Variants in SLIT2 observed in about 807,000 individuals in gnomAD.
SLIT2 encodes slit guidance ligand 2, also known as slit homolog 2 protein.
In SLIT2, 41 loss-of-function variants were observed where a neutral mutation model predicts 185.7. The ratio of observed to expected loss-of-function variants is 0.22; its 90% CI spans 0.17 to 0.29. The LOEUF is 0.29. Ranked by LOEUF, SLIT2 falls within the 10% of genes least tolerant of loss-of-function variation. SLIT2 has a pLI of 1.00. For missense variants in SLIT2, 1,571 were observed against 1,909.0 expected (o/e 0.82, Z 3.30); for synonymous variants, 693 against 680.2 (o/e 1.02, Z -0.29).
chr4:20,335,498 A>G (rs984351765), intron 4 of SLIT2, among the ~76,000 whole-genome samples: 3 of 152,216 alleles, frequency 2.0e-5, no homozygotes, highest in African/African-American at 7.2e-5. Flanking sequence ...TATATTATGT[A>G]ACAGGGCGGG....
intron 4 of SLIT2, among the ~76,000 whole-genome samples, chr4:20,271,722 T>C (rs1175000924): frequency 6.6e-6 from 1 of 151,992 alleles, no homozygotes; most frequent in Non-Finnish European, 1.5e-5. Flanking sequence ...ACTGGTTTAA[T>C]ACATAGTTTA....
intron 4 of SLIT2, among the ~76,000 whole-genome samples, chr4:20,449,855 A>C (rs191290761): frequency 6.6e-6 from 1 of 152,374 alleles, no homozygotes; most frequent in East Asian, 1.9e-4. Context: ...GAGTACTTAC[A>C]TTAAAAAGTA....
At chr4:20,379,062 A>G (rs535825771) in intron 4 of SLIT2, among the ~76,000 whole-genome samples, 2 of 152,284 alleles carry the variant, frequency 1.3e-5, no homozygotes, top group East Asian at 1.9e-4. Flanking sequence ...ACTATTCTGT[A>G]TGATACTAAA....
intron 31 of SLIT2, 49 bp downstream of exon 31, chr4:20,595,883 A>C: frequency 1.3e-6 from 2 of 1,491,232 alleles, no homozygotes; most frequent in African/African-American, 1.4e-5. Flanking sequence ...ACCTAGCACA[A>C]CAGGGTGACT....
chr4:20,366,409 A>G (rs114442716), intron 4 of SLIT2, among the ~76,000 whole-genome samples: 2,260 of 152,256 alleles, frequency 0.015, 54 homozygotes, highest in African/African-American at 0.05. Flanking sequence ...TTGGTTGGCC[A>G]CATTTCTGTT....
rs183774220 is a variant in SLIT2, at chr4:20,566,211, T to C, written c.2726-1051T>C. On this transcript the variant is annotated intron_variant, in intron 26 of 36. Transcript: ENST00000504154. ...GCTAGAAATTGCTTGTGATAAAATG[T>C]TCAATTAGAATTATTGCTGCTTGTT... Among the ~76,000 whole-genome samples the C allele has an allele frequency of 2.7e-3, 408 of 152,156 alleles. 4 individuals are homozygous for C. Among genetic ancestry groups the C allele is most frequent in the African/African-American group, 9.4e-3 (391 of 41,546 alleles).
chr4:20,557,248 T>G (rs2148900056), intron 26 of SLIT2, among the ~76,000 whole-genome samples: 1 of 152,200 alleles, frequency 6.6e-6, no homozygotes, highest in Non-Finnish European at 1.5e-5. Context: ...TGAAACAGAC[T>G]TTATTGGAAG....
Position 20,553,947 on chromosome 4 carries a change from T to A in SLIT2, c.2704T>A (p.Ser902Thr). Residue 902 changes from serine (S) to threonine (T), a missense_variant, in exon 26 of 37, where the codon TCC becomes ACC. Ser to Thr is a moderately conservative substitution (Grantham distance 58, BLOSUM62 1). Around this residue, in one of 3 missense-constraint regions of SLIT2, gnomAD observed 1,202 missense variants for 1,416.4 expected, o/e 0.85. Transcript: ENST00000504154. Reference protein sequence around the residue: ...MADKLLLTTPSKKFTCQGPVD... With the variant: ...MADKLLLTTPTKKFTCQGPVD... ...AGATAAACTTTTACTCACAACTCCC[T>A]CCAAAAAATTTACCTGTCAAGGTAT... is the stretch of plus-strand genomic sequence containing the variant. 1 of 1,600,418 alleles carries A rather than the reference T, an allele frequency of 6.2e-7. No individual in the cohort carries two copies.
chr4:20,459,069 T>C (rs1713404126), intron 4 of SLIT2, among the ~76,000 whole-genome samples: 1 of 152,154 alleles, frequency 6.6e-6, no homozygotes, highest in South Asian at 2.1e-4. Context: ...AAAGAGATTA[T>C]TATTACTGTG....
chr4:20,284,423 C>T (rs968477656), intron 4 of SLIT2, among the ~76,000 whole-genome samples: 1 of 152,208 alleles, frequency 6.6e-6, no homozygotes, highest in Non-Finnish European at 1.5e-5. Flanking sequence ...CCTCTCCCTT[C>T]ACCACAGAGC....
At chr4:20,261,437 T>C (rs890554602) in intron 3 of SLIT2, among the ~76,000 whole-genome samples, 1 of 151,852 alleles carries the variant, frequency 6.6e-6, no homozygotes, top group African/African-American at 2.4e-5. Context: ...TTTTGGATGC[T>C]GCATAATGTC....
chr4:20,469,116 C>G (rs1714679841), intron 5 of SLIT2, among the ~76,000 whole-genome samples: 1 of 152,012 alleles, frequency 6.6e-6, no homozygotes, highest in Non-Finnish European at 1.5e-5. Flanking sequence ...TTTACTTTTG[C>G]TAGTTAGGGC....
rs552851809 is a variant in SLIT2, at chr4:20,251,996, A to AGGCGGC, written c.-1802_-1797dup. Among the ~76,000 whole-genome samples the AGGCGGC allele has an allele frequency of 4.7e-4, 71 of 151,108 alleles. No individual in the cohort carries two copies. Among genetic ancestry groups the AGGCGGC allele is most frequent in the Middle Eastern group, 3.4e-3 (1 of 290 alleles). On this transcript the variant is annotated 5_prime_UTR_variant, in exon 1 of 37. Coordinates refer to ENST00000504154, the MANE Select transcript of SLIT2 (RefSeq NM_004787.4). ...CCGCAGACTGTGGTTAAAAAAAAGAAGGCGGCGGCGGCGGCGGCGGCGGAG... is the reference window on the plus strand; with the variant it reads ...CCGCAGACTGTGGTTAAAAAAAAGAAGGCGGCGGCGGCGGCGGCGGCGGCGGCGGAG...
At chr4:20,297,738 ATT>A (rs1163689062) in intron 4 of SLIT2, among the ~76,000 whole-genome samples, 2 of 152,112 alleles carry the variant, frequency 1.3e-5, no homozygotes, top group Non-Finnish European at 2.9e-5. Flanking sequence ...AAATCATGGC[ATT>A]TTCCTTCCTT....
intron 4 of SLIT2, among the ~76,000 whole-genome samples, chr4:20,412,527 T>C (rs1727337346): frequency 6.6e-6 from 1 of 152,142 alleles, no homozygotes; most frequent in African/African-American, 2.4e-5. Flanking sequence ...AAATCTTTCA[T>C]ATTTATACTG....
At chr4:20,308,730 T>C (rs889489963) in intron 4 of SLIT2, among the ~76,000 whole-genome samples, 2 of 152,200 alleles carry the variant, frequency 1.3e-5, no homozygotes, top group Non-Finnish European at 2.9e-5. Context: ...GGTATACTTA[T>C]AAAAATGTTG....
chr4:20,564,850 A>G (rs1444168170), intron 26 of SLIT2, among the ~76,000 whole-genome samples: 1 of 151,900 alleles, frequency 6.6e-6, no homozygotes, highest in African/African-American at 2.4e-5. Context: ...AATTCCAGAT[A>G]TGAAAATAAT....
chr4:20,352,186 A>G (rs1274306574), intron 4 of SLIT2, among the ~76,000 whole-genome samples: 1 of 152,156 alleles, frequency 6.6e-6, no homozygotes, highest in Non-Finnish European at 1.5e-5. Context: ...GCAGTACTTA[A>G]TGTGTCACTT....
intron 4 of SLIT2, among the ~76,000 whole-genome samples, chr4:20,311,797 A>G (rs1183006289): frequency 6.6e-6 from 1 of 152,234 alleles, no homozygotes; most frequent in Non-Finnish European, 1.5e-5. Context: ...TTAAGCCACT[A>G]TAAATGTGTA....
Sources: allele counts gnomAD v4.1 joint callset (sites outside exome capture counted in the v4.1 genomes callset), GRCh38; gene constraint gnomAD v4.1.1; regional missense constraint gnomAD v4.1.1; transcripts MANE v1.5; gene names NCBI Gene and HGNC (gene_info 2026-07-23, HGNC 2026-07-21).